MDGA2: variants seen among roughly 807,000 people sequenced by gnomAD.
The protein encoded by MDGA2 is MAM domain-containing glycosylphosphatidylinositol anchor protein 2.
In MDGA2, 40 loss-of-function variants were observed where a neutral mutation model predicts 117.8. The ratio of observed to expected loss-of-function variants is 0.34; its 90% CI spans 0.26 to 0.44. MDGA2 has a LOEUF of 0.44. MDGA2 is among the 20% of genes least tolerant of loss of function. The pLI is 1.00. For missense variants in MDGA2, 1,123 were observed against 1,250.6 expected, an observed-to-expected ratio of 0.90 and a Z score of 1.54; for synonymous variants, 452 against 439.0, an observed-to-expected ratio of 1.03 and a Z score of -0.37.
intron 10 of MDGA2, among the ~76,000 whole-genome samples, chr14:46,917,305 A>T (rs1251546862): frequency 6.6e-6 from 1 of 152,224 alleles, no homozygotes; most frequent in East Asian, 1.9e-4. Context: ...TCTTTTAAAA[A>T]ATCTGTATAC....
intron 1 of MDGA2, among the ~76,000 whole-genome samples, chr14:47,339,333 A>C (rs1490769965): frequency 1.3e-5 from 2 of 152,152 alleles, no homozygotes; most frequent in East Asian, 3.9e-4. Context: ...ATAATTAATA[A>C]AAGTTTAAAA....
intron 1 of MDGA2, among the ~76,000 whole-genome samples, chr14:47,379,980 C>A (rs1295739182): frequency 6.6e-6 from 1 of 152,152 alleles, no homozygotes; most frequent in Non-Finnish European, 1.5e-5. Flanking sequence ...AAGTAAAGGA[C>A]TCCTCAGCAA....
At chr14:46,990,033 T>C (rs1440630528) in intron 8 of MDGA2, among the ~76,000 whole-genome samples, 1 of 152,130 alleles carries the variant, frequency 6.6e-6, no homozygotes, top group Non-Finnish European at 1.5e-5. Flanking sequence ...CTCTTCTATA[T>C]AATACAATGT....
At chr14:47,541,031 G>T (rs1895343030) in intron 1 of MDGA2, among the ~76,000 whole-genome samples, 1 of 152,130 alleles carries the variant, frequency 6.6e-6, no homozygotes, top group Admixed American at 6.6e-5. Flanking sequence ...TCTAAGATTA[G>T]ATTATTGCTT....
At chr14:47,282,573 C>T (rs1264249315) in intron 2 of MDGA2, among the ~76,000 whole-genome samples, 2 of 151,972 alleles carry the variant, frequency 1.3e-5, no homozygotes, top group East Asian at 1.9e-4. Flanking sequence ...CGGCAGGCGC[C>T]GGTAGTCCCA....
chr14:47,008,192 A>G (rs1302455821), intron 8 of MDGA2, among the ~76,000 whole-genome samples: 1 of 151,910 alleles, frequency 6.6e-6, no homozygotes, highest in African/African-American at 2.4e-5. Flanking sequence ...TGTATGTTAG[A>G]GAAACAAAAA....
intron 9 of MDGA2, among the ~76,000 whole-genome samples, chr14:46,930,500 C>T (rs1884528648): frequency 6.6e-6 from 1 of 151,964 alleles, no homozygotes; most frequent in African/African-American, 2.4e-5. Context: ...AACTTAAAAA[C>T]CCTTAGAAGA....
chr14:47,233,794 T>C (rs994556354), intron 2 of MDGA2, among the ~76,000 whole-genome samples: 4 of 152,120 alleles, frequency 2.6e-5, no homozygotes. Context: ...CAAACCTACA[T>C]TTAGACATTT....
intron 2 of MDGA2, among the ~76,000 whole-genome samples, chr14:47,223,681 C>T (rs908261326): frequency 7.2e-5 from 11 of 152,142 alleles, no homozygotes; most frequent in Non-Finnish European, 1.5e-4. Flanking sequence ...CCCCTGGTTT[C>T]ACAATGTGAA....
At chr14:47,605,802 T>C (rs1896732395) in intron 1 of MDGA2, among the ~76,000 whole-genome samples, 1 of 152,180 alleles carries the variant, frequency 6.6e-6, no homozygotes, top group African/African-American at 2.4e-5. Flanking sequence ...CATTTGATCA[T>C]ACGGTATACA....
intron 1 of MDGA2, chr14:47,342,889 A>G: frequency 2.4e-6 from 1 of 409,696 alleles, no homozygotes; most frequent in Middle Eastern, 3.6e-4. Context: ...TGTGGGGGAA[A>G]AAAGAGGAAA....
At chr14:47,105,999 C>A (rs941050096) in intron 5 of MDGA2, among the ~76,000 whole-genome samples, 1 of 151,474 alleles carries the variant, frequency 6.6e-6, no homozygotes, top group African/African-American at 2.4e-5. Context: ...CCCTCCTGCC[C>A]AGCAATTTAC....
At chr14:47,590,318 G>C (rs1368546673) in intron 1 of MDGA2, among the ~76,000 whole-genome samples, 1 of 151,856 alleles carries the variant, frequency 6.6e-6, no homozygotes. Flanking sequence ...GATGCAATTA[G>C]ACATTTCAGG....
chr14:47,608,208 C>A (rs576198433), intron 1 of MDGA2, among the ~76,000 whole-genome samples: 2 of 152,154 alleles, frequency 1.3e-5, no homozygotes, highest in African/African-American at 2.4e-5. Context: ...CTCATAGACA[C>A]TGGCTTAGGA....
intron 1 of MDGA2, among the ~76,000 whole-genome samples, chr14:47,426,638 C>T (rs1279736763): frequency 6.7e-6 from 1 of 149,264 alleles, no homozygotes; most frequent in Non-Finnish European, 1.5e-5. Context: ...TTTGAAAAAG[C>T]ATCTCTGTGT....
chr14:46,855,179 T>G lies in MDGA2; in HGVS notation c.2753-25A>C. On this transcript the variant is annotated intron_variant, in intron 14 of 16. Coordinates refer to ENST00000399232, the MANE Select transcript of MDGA2 (RefSeq NM_001113498.3). The surrounding 1 kb of genome is among the most constrained non-coding windows in gnomAD (Gnocchi z 4.1). The stretch of plus-strand genomic sequence containing the variant: ...CCTAAAAATGACAATAAAATTTTAT[T>G]TTGCATATTCATTTTCACCTCAAAT... 6.3e-7 allele frequency: 1 copy of G among 1,582,452 alleles called. No homozygotes were observed. Among genetic ancestry groups the G allele is most frequent in the Non-Finnish European group, 8.6e-7 (1 of 1,167,636 alleles).
chr14:47,453,007 A>G (rs1396187361), intron 1 of MDGA2, among the ~76,000 whole-genome samples: 1 of 152,100 alleles, frequency 6.6e-6, no homozygotes, highest in African/African-American at 2.4e-5. Context: ...ATATTATGTC[A>G]CTAATAATTT....
intron 1 of MDGA2, among the ~76,000 whole-genome samples, chr14:47,516,889 G>C (rs1894764039): frequency 6.6e-6 from 1 of 152,044 alleles, no homozygotes; most frequent in African/African-American, 2.4e-5. Context: ...TCTAATTCAA[G>C]GGTAAGCTAG....
chr14:47,389,329 T>C (rs1482655242), intron 1 of MDGA2, among the ~76,000 whole-genome samples: 1 of 152,148 alleles, frequency 6.6e-6, no homozygotes, highest in Non-Finnish European at 1.5e-5. Flanking sequence ...TGATGTATCA[T>C]GAAATTAAAT....
Sources: allele counts gnomAD v4.1 joint callset (sites outside exome capture counted in the v4.1 genomes callset), GRCh38; gene constraint gnomAD v4.1.1; non-coding constraint Gnocchi (gnomAD v3.1); transcripts MANE v1.5; gene names NCBI Gene and HGNC (gene_info 2026-07-23, HGNC 2026-07-21).